Variants in ECT2L observed in about 807,000 individuals in gnomAD.
ECT2L encodes the protein epithelial cell transforming 2 like.
A neutral mutation model predicts 122.8 loss-of-function variants in ECT2L; 126 were observed. The ratio of observed to expected loss-of-function variants is 1.03; its 90% CI spans 0.89 to 1.19. The LOEUF is 1.19. Among genes scored for constraint, ECT2L ranks in the 50% most tolerant of loss-of-function variants. The pLI, the probability that ECT2L is intolerant of heterozygous loss-of-function variation, is 0.00. For synonymous variants in ECT2L, 385 were observed against 381.8 expected (o/e 1.01, Z -0.10); for missense variants, 1,012 against 1,064.1 (o/e 0.95, Z 0.68).
intron 8 of ECT2L, among the ~76,000 whole-genome samples, chr6:138,847,857 C>A (rs553143168): frequency 6.6e-6 from 1 of 152,104 alleles, no homozygotes; most frequent in Non-Finnish European, 1.5e-5. Context: ...TTAGTCTGTT[C>A]TCACACTGCT....
chr6:138,899,738 T>C (rs1779334263), intron 20 of ECT2L, among the ~76,000 whole-genome samples: 1 of 152,168 alleles, frequency 6.6e-6, no homozygotes, highest in East Asian at 1.9e-4. Context: ...TGAGGGTTGC[T>C]TGATGCTTCT....
intron 1 of ECT2L, among the ~76,000 whole-genome samples, chr6:138,810,241 C>T (rs1775846931): frequency 6.6e-6 from 1 of 152,150 alleles, no homozygotes; most frequent in Non-Finnish European, 1.5e-5. Flanking sequence ...TGACTCACAT[C>T]TTCAACTAGT....
rs753796797 is a variant in ECT2L, at chr6:138,864,986, A to G, written c.1292-10A>G. 1.5e-5 allele frequency: 24 copies of G among 1,605,474 alleles called. No individual in the cohort carries two copies. The highest frequency in any genetic ancestry group is 2.0e-5 in the Non-Finnish European group (23 of 1,175,438). ...AAGCCTGCAATAATAACAGAAGAAAATCATGTCAGTTCTTAGTGATTGGCT... is the reference window on the plus strand; with the variant it reads ...AAGCCTGCAATAATAACAGAAGAAAGTCATGTCAGTTCTTAGTGATTGGCT... On this transcript the variant is annotated splice_polypyrimidine_tract_variant and intron_variant, in intron 11 of 21. Coordinates refer to ENST00000541398, the MANE Select transcript of ECT2L (RefSeq NM_001077706.3).
At chr6:138,888,031 A>G (rs1444719965) in intron 19 of ECT2L, among the ~76,000 whole-genome samples, 1 of 152,220 alleles carries the variant, frequency 6.6e-6, no homozygotes, top group Non-Finnish European at 1.5e-5. Flanking sequence ...GGAGCTCAGG[A>G]TGTGAGTTAC....
intron 13 of ECT2L, among the ~76,000 whole-genome samples, chr6:138,874,949 A>G (rs1322466071): frequency 6.6e-6 from 1 of 152,158 alleles, no homozygotes; most frequent in African/African-American, 2.4e-5. Context: ...TTAGCCAGGC[A>G]TGGTGGCACA....
chr6:138,898,703 T>C (rs546041946), intron 20 of ECT2L, among the ~76,000 whole-genome samples: 168 of 152,270 alleles, frequency 1.1e-3, no homozygotes, highest in African/African-American at 3.7e-3. Context: ...GCCATTACCA[T>C]ATAAAGTGAG....
intron 20 of ECT2L, among the ~76,000 whole-genome samples, chr6:138,891,125 C>A (rs994833131): frequency 1.3e-5 from 2 of 152,046 alleles, no homozygotes; most frequent in Non-Finnish European, 2.9e-5. Context: ...CACAACTGAC[C>A]AAAATTAACA....
At position 138,844,544 on chromosome 6, in the gene ECT2L, A is replaced by T; in HGVS notation, c.728A>T (p.Gln243Leu). Residue 243 changes from glutamine (Q) to leucine (L), a missense_variant, in exon 7 of 22, where the codon CAG (glutamine) becomes CTG (leucine). Physicochemically the swap from Gln to Leu is moderately radical, Grantham distance 113. Transcript: ENST00000541398. The part of the protein sequence containing the change: ...RVGLHEALEK[Q>L]LVLTSLETLP... ...GGATTACATGAAGCTTTGGAGAAAC[A>T]GCTTGTTTTGACATCGTTAGAAACC... 1 of 1,614,190 alleles carries T rather than the reference A, an allele frequency of 6.2e-7. No individual in the cohort carries two copies. Among genetic ancestry groups the T allele is most frequent in the Non-Finnish European group, 8.5e-7 (1 of 1,180,036 alleles).
At chr6:138,819,538 G>A (rs1776197194) in intron 4 of ECT2L, among the ~76,000 whole-genome samples, 1 of 142,656 alleles carries the variant, frequency 7.0e-6, no homozygotes, top group Non-Finnish European at 1.6e-5. Context: ...AGACTTTGGT[G>A]ACTCTTTTCA....
At chr6:138,862,552 A>G in intron 10 of ECT2L, 75 bp from the exon 11 acceptor site, 3 of 1,394,024 alleles carry the variant, frequency 2.2e-6, no homozygotes, top group Non-Finnish European at 3.0e-6. Context: ...TTTGGAGGGA[A>G]CAAATATCCA....
At chr6:138,804,501 C>T (rs1775649115) in intron 1 of ECT2L, among the ~76,000 whole-genome samples, 1 of 152,030 alleles carries the variant, frequency 6.6e-6, no homozygotes. Context: ...AGAAACACAG[C>T]TCCCTTCCTT....
At chr6:138,862,880 T>G (rs1777887563) in intron 11 of ECT2L, among the ~76,000 whole-genome samples, 161 bp downstream of exon 11, 1 of 152,230 alleles carries the variant, frequency 6.6e-6, no homozygotes, top group Non-Finnish European at 1.5e-5. Context: ...CTAGGTAATC[T>G]CCTATCATTC....
chr6:138,887,961 T>G (rs927024211), intron 19 of ECT2L, among the ~76,000 whole-genome samples: 5 of 152,226 alleles, frequency 3.3e-5, no homozygotes, highest in African/African-American at 1.2e-4. Context: ...TTCATGAAAC[T>G]GGGAGCTCCA....
intron 18 of ECT2L, 43 bp from the exon 19 acceptor site, chr6:138,886,813 AT>A (rs1360593068): frequency 7.4e-7 from 1 of 1,351,948 alleles, no homozygotes; most frequent in East Asian, 2.3e-5. Flanking sequence ...ATGAATAAAA[AT>A]GTCACAATTT....
At chr6:138,895,076 T>C (rs1160127322) in intron 20 of ECT2L, among the ~76,000 whole-genome samples, 1 of 152,026 alleles carries the variant, frequency 6.6e-6, no homozygotes, top group Non-Finnish European at 1.5e-5. Context: ...CTAGGCAACA[T>C]AGTTGGACCC....
Position 138,873,892 on chromosome 6 carries a change from G to GTGTGTGTGTGTGTGTGTA in ECT2L, c.1579-2563_1579-2562insATGTGTGTGTGTGTGTGT, listed in dbSNP as rs1554276988. The stretch of plus-strand genomic sequence containing the variant: ...CAGGACTGTGTGTGTGTGTGTGTGT[G>GTGTGTGTGTGTGTGTGTA]TGTGTGTGTGTGTGTGTGTGTGTCC... On this transcript the variant is annotated intron_variant, in intron 13 of 21. Transcript: ENST00000541398. Among the ~76,000 whole-genome samples, 664 of 134,936 alleles carry GTGTGTGTGTGTGTGTGTA rather than the reference G, an allele frequency of 4.9e-3. 8 individuals carry two copies. Among genetic ancestry groups the GTGTGTGTGTGTGTGTGTA allele is most frequent in the African/African-American group, 0.017 (616 of 36,430 alleles). 88.5% of individuals were successfully genotyped at this position (134,936 alleles called of 152,430 possible). A position where few individuals can be genotyped will look rare whatever the true frequency, so the allele number is the denominator to read the frequency against.
chr6:138,815,436 C>A (rs1013115353), intron 4 of ECT2L, among the ~76,000 whole-genome samples: 13 of 152,178 alleles, frequency 8.5e-5, no homozygotes, highest in African/African-American at 2.9e-4. Context: ...AAGAATCCAG[C>A]CAGGCTGGTA....
At chr6:138,885,092 T>G (rs1778770161) in intron 16 of ECT2L, among the ~76,000 whole-genome samples, 2 of 145,286 alleles carry the variant, frequency 1.4e-5, no homozygotes, top group African/African-American at 5.1e-5. Context: ...GCAGTGGCGC[T>G]ATCTTGGATC....
intron 8 of ECT2L, 61 bp downstream of exon 8, chr6:138,846,738 A>G: frequency 2.1e-6 from 3 of 1,397,216 alleles, no homozygotes; most frequent in Non-Finnish European, 2.8e-6. Flanking sequence ...GTTTTTTTTC[A>G]TCTAGACTAG....
Sources: allele counts gnomAD v4.1 joint callset (sites outside exome capture counted in the v4.1 genomes callset), GRCh38; gene constraint gnomAD v4.1.1; transcripts MANE v1.5; gene names NCBI Gene and HGNC (gene_info 2026-07-23, HGNC 2026-07-21).